The following ZBTB7C variants were observed in gnomAD, a reference collection of about 807,000 sequenced individuals.
ZBTB7C encodes the protein zinc finger and BTB domain-containing protein 7C.
A neutral mutation model predicts 25.7 loss-of-function variants in ZBTB7C; 8 were observed. The ratio of observed to expected loss-of-function variants is 0.31; its 90% CI spans 0.18 to 0.56. ZBTB7C has a LOEUF of 0.56. ZBTB7C is among the 20% of genes least tolerant of loss of function. The probability of loss-of-function intolerance (pLI) is 0.91; values close to 1 mark genes in which losing one functional copy is unlikely to be tolerated. For missense variants in ZBTB7C, 824 were observed against 855.2 expected (o/e 0.96, Z 0.46); for synonymous variants, 394 against 369.0 (o/e 1.07, Z -0.78).
At chr18:48,082,830 T>C (rs1049988942) in intron 3 of ZBTB7C, among the ~76,000 whole-genome samples, 1 of 152,162 alleles carries the variant, frequency 6.6e-6, no homozygotes, top group African/African-American at 2.4e-5. Flanking sequence ...GAGAGCCACA[T>C]GTACACTTCA....
chr18:48,074,815 G>GA (rs2037696178), intron 3 of ZBTB7C, among the ~76,000 whole-genome samples: 2 of 152,292 alleles, frequency 1.3e-5, no homozygotes, highest in South Asian at 4.1e-4. Flanking sequence ...AAACACAGAG[G>GA]AAAAATGGCA....
At position 48,222,547 on chromosome 18, in the gene ZBTB7C, G is replaced by A. The variant is rs79339668; in HGVS notation, c.-78-36552C>T. ...AGTAGTGCTTTCATCCACATTCATC[G>A]ATTGAGAAAATTAAGCTCATGGAAG... is the stretch of plus-strand genomic sequence containing the variant. On this transcript the variant is annotated intron_variant, in intron 2 of 4. Coordinates refer to ENST00000590800, the MANE Select transcript of ZBTB7C (RefSeq NM_001318841.2). Among the ~76,000 whole-genome samples, 685 of 152,232 alleles carry A rather than the reference G, an allele frequency of 4.5e-3. 5 individuals are homozygous for A. The highest frequency in any genetic ancestry group is 0.016 in the African/African-American group (656 of 41,544).
intron 3 of ZBTB7C, among the ~76,000 whole-genome samples, chr18:48,072,889 C>T (rs953116692): frequency 6.6e-5 from 10 of 152,210 alleles, no homozygotes; most frequent in East Asian, 1.9e-4. Context: ...CTGGCCTTCC[C>T]GACAGAGCCA....
At chr18:48,121,465 A>C (rs891251615) in intron 3 of ZBTB7C, among the ~76,000 whole-genome samples, 1 of 151,912 alleles carries the variant, frequency 6.6e-6, no homozygotes, top group African/African-American at 2.4e-5. Flanking sequence ...TAAGCGATGT[A>C]CACATTAGAA....
chr18:48,351,874 C>T (rs1173014717), intron 1 of ZBTB7C, among the ~76,000 whole-genome samples: 2 of 152,166 alleles, frequency 1.3e-5, no homozygotes, highest in Non-Finnish European at 2.9e-5. Flanking sequence ...GGAGATTTCC[C>T]TCTGACAGAG....
chr18:48,263,491 AAT>A (rs977250766), intron 2 of ZBTB7C, among the ~76,000 whole-genome samples: 14 of 152,304 alleles, frequency 9.2e-5, no homozygotes, highest in Admixed American at 3.9e-4. Flanking sequence ...TTCTCAAAGG[AAT>A]AGAGGACCTT....
At position 48,176,668 on chromosome 18, in the gene ZBTB7C, A is replaced by G. The variant is rs186429022; in HGVS notation, c.-17+9266T>C. Among the ~76,000 whole-genome samples the G allele has an allele frequency of 4.0e-4, 61 of 151,376 alleles. No homozygotes were observed. The Middle Eastern group carries it at 0.021, about 51-fold the overall frequency. ...AAGAAAGAACACAAATGATTAAGCA[A>G]GTGCTGTAAAATGTTAACAGCAGGT... is the stretch of plus-strand genomic sequence containing the variant. On this transcript the variant is annotated intron_variant, in intron 3 of 4. Coordinates refer to ENST00000590800, the MANE Select transcript of ZBTB7C (RefSeq NM_001318841.2).
At chr18:48,185,241 CCTT>C (rs1174105568) in intron 3 of ZBTB7C, 2 of 395,202 alleles carry the variant, frequency 5.1e-6, no homozygotes, top group African/African-American at 2.1e-5. Context: ...TCAAGCCTCT[CCTT>C]CTCCAGGAAG....
At chr18:48,385,122 T>C (rs4641819) in intron 1 of ZBTB7C, among the ~76,000 whole-genome samples, 8,785 of 152,230 alleles carry the variant, frequency 0.058, 443 homozygotes, top group East Asian at 0.17. Flanking sequence ...ACATCATGGT[T>C]GACATACCCA....
Position 48,326,695 on chromosome 18 carries a change from A to G in ZBTB7C, c.-79+11479T>C, listed in dbSNP as rs562314223. ...GAAATAAGAAAGCAAGTTGCAGTACAGAGTATTCAATAGGCTATGTTTTAT... is the reference window on the plus strand; with the variant it reads ...GAAATAAGAAAGCAAGTTGCAGTACGGAGTATTCAATAGGCTATGTTTTAT... On this transcript the variant is annotated intron_variant, in intron 2 of 4. Coordinates refer to ENST00000590800, the MANE Select transcript of ZBTB7C (RefSeq NM_001318841.2). Among the ~76,000 whole-genome samples, 14 of 152,376 alleles carry G rather than the reference A, an allele frequency of 9.2e-5. No homozygotes were observed. In the South Asian group the frequency reaches 2.7e-3, roughly 29 times the overall value.
At chr18:48,083,178 C>A (rs891307639) in intron 3 of ZBTB7C, among the ~76,000 whole-genome samples, 22 of 152,166 alleles carry the variant, frequency 1.4e-4, no homozygotes, top group Admixed American at 3.3e-4. Flanking sequence ...TTCTTCTTTT[C>A]TTTTTTTAAT....
Position 48,206,873 on chromosome 18 carries a change from T to C in ZBTB7C, c.-78-20878A>G, listed in dbSNP as rs561165571. On this transcript the variant is annotated intron_variant, in intron 2 of 4. Transcript: ENST00000590800. ...GAAAAGATTGATAAATGGAAATTTG[T>C]CAAAATTTAAAACTTCTCTTCTTCA... Among the ~76,000 whole-genome samples, 29 of 152,180 alleles carry C rather than the reference T, an allele frequency of 1.9e-4. No homozygotes were observed. The Middle Eastern group carries it at 0.017, about 89-fold the overall frequency.
chr18:48,133,812 CCTCTATTCAT>C (rs1457152635), intron 3 of ZBTB7C, among the ~76,000 whole-genome samples: 1 of 152,146 alleles, frequency 6.6e-6, no homozygotes, highest in Non-Finnish European at 1.5e-5. Flanking sequence ...GATTCCCCTC[CCTCTATTCAT>C]CTCCACAGTT....
intron 2 of ZBTB7C, among the ~76,000 whole-genome samples, chr18:48,308,618 T>G (rs984772124): frequency 6.6e-6 from 1 of 152,254 alleles, no homozygotes; most frequent in African/African-American, 2.4e-5. Flanking sequence ...GTTTAAGATG[T>G]CACAGCAATG....
At chr18:48,048,220 G>A (rs2036549374) in intron 3 of ZBTB7C, among the ~76,000 whole-genome samples, 1 of 152,196 alleles carries the variant, frequency 6.6e-6, no homozygotes, top group Non-Finnish European at 1.5e-5. Context: ...GGGGGTCAGG[G>A]AAGGCTTCTA....
intron 3 of ZBTB7C, among the ~76,000 whole-genome samples, chr18:48,064,750 A>G (rs2037258893): frequency 6.6e-6 from 1 of 152,144 alleles, no homozygotes; most frequent in African/African-American, 2.4e-5. Flanking sequence ...CAAAAAATAA[A>G]AAAAGAAAAA....
At chr18:48,060,184 C>T (rs181498379) in intron 3 of ZBTB7C, among the ~76,000 whole-genome samples, 39 of 152,204 alleles carry the variant, frequency 2.6e-4, no homozygotes, top group African/African-American at 8.9e-4. Context: ...TGATTTGGGT[C>T]AAATGAGAGG....
At chr18:48,346,092 T>A (rs2046723799) in intron 1 of ZBTB7C, among the ~76,000 whole-genome samples, 1 of 151,988 alleles carries the variant, frequency 6.6e-6, no homozygotes, top group Non-Finnish European at 1.5e-5. Context: ...GCATAAAGTA[T>A]TCTTTTAATG....
At chr18:48,181,058 G>A (rs1401445740) in intron 3 of ZBTB7C, among the ~76,000 whole-genome samples, 1 of 152,196 alleles carries the variant, frequency 6.6e-6, no homozygotes, top group Non-Finnish European at 1.5e-5. Flanking sequence ...ATTGTTGTGA[G>A]GATTATGTTA....
Sources: gnomAD v4.1 joint callset for allele counts (sites outside exome capture counted in the v4.1 genomes callset) on GRCh38, gnomAD v4.1.1 for gene constraint, MANE v1.5 for transcripts, NCBI Gene and HGNC (gene_info 2026-07-23, HGNC 2026-07-21) for gene names.